UTRN: variants seen among roughly 807,000 people sequenced by gnomAD.
UTRN encodes utrophin.
In UTRN, 283 loss-of-function variants were observed where a neutral mutation model predicts 463.9. The ratio of observed to expected loss-of-function variants is 0.61; its 90% CI spans 0.55 to 0.67. UTRN has a LOEUF of 0.67. Among genes scored for constraint, UTRN ranks in the 30% least tolerant of loss-of-function variants. The pLI is 0.00. For missense variants in UTRN, 3,922 were observed against 4,084.3 expected, an observed-to-expected ratio of 0.96 and a Z score of 1.08; for synonymous variants, 1,442 against 1,431.5, an observed-to-expected ratio of 1.01 and a Z score of -0.17.
intron 74 of UTRN, among the ~76,000 whole-genome samples, chr6:144,848,381 A>G (rs1278285103): frequency 6.6e-6 from 1 of 152,158 alleles, no homozygotes; most frequent in African/African-American, 2.4e-5. Context: ...AAAAAGTTGA[A>G]GTTGGGGTTT....
Position 144,757,877 on chromosome 6 carries a change from G to A in UTRN, c.8435-52G>A. ...ATGTTCAGTTGTTTTGCATTAAGGT[G>A]TAAGGCTTTTTGGTTTCCAACGTTT... On this transcript the variant is annotated intron_variant, in intron 57 of 74. Coordinates refer to ENST00000367545, the MANE Select transcript of UTRN (RefSeq NM_007124.3). 5.2e-6 allele frequency: 8 copies of A among 1,551,154 alleles called. No homozygotes were observed. The South Asian group carries it at 8.2e-5, about 16-fold the overall frequency.
chr6:144,420,265 A>T (rs1383444451), intron 3 of UTRN, among the ~76,000 whole-genome samples: 2 of 152,240 alleles, frequency 1.3e-5, no homozygotes, highest in African/African-American at 4.8e-5. Flanking sequence ...TCGATACAAG[A>T]TAATACAACA....
intron 51 of UTRN, among the ~76,000 whole-genome samples, chr6:144,665,065 G>A (rs1305982952): frequency 6.6e-6 from 1 of 152,088 alleles, no homozygotes; most frequent in African/African-American, 2.4e-5. Context: ...TAGCGAAATT[G>A]TTCTAACCTC....
chr6:144,429,589 G>A lies in UTRN; in HGVS notation c.703G>A (p.Val235Ile), dbSNP rs149022270. The change falls in exon 9 of 75, where the codon GTT becomes ATT. Residue 235 changes from valine (V) to isoleucine (I), a missense_variant. Physicochemically the swap from Val to Ile is conservative, Grantham distance 29. Transcript: ENST00000367545. The part of the protein sequence containing the change: ...EKLLDPEDVA[V>I]QLPDKKSIIM... ...TATTCTTCCACTTTTAGATGTTGCC[G>A]TTCAGCTTCCTGACAAGAAATCCAT... The A allele has an allele frequency of 6.1e-5, 97 of 1,598,046 alleles. No homozygotes were observed. The highest frequency in any genetic ancestry group is 6.7e-5 in the Non-Finnish European group (79 of 1,172,676).
intron 2 of UTRN, among the ~76,000 whole-genome samples, chr6:144,386,228 T>G (rs941072355): frequency 2.0e-5 from 3 of 152,094 alleles, no homozygotes; most frequent in African/African-American, 7.2e-5. Context: ...TTGTGTGGTG[T>G]AGGCGGGCGG....
chr6:144,416,913 A>G (rs1439645301), intron 3 of UTRN, among the ~76,000 whole-genome samples: 3 of 152,222 alleles, frequency 2.0e-5, no homozygotes, highest in Non-Finnish European at 2.9e-5. Flanking sequence ...GCATTATTCA[A>G]CTGTATTCTC....
At chr6:144,548,619 T>C (rs1217019059) in intron 46 of UTRN, 21 bp from the exon 47 acceptor site, 2 of 1,604,320 alleles carry the variant, frequency 1.2e-6, no homozygotes, top group Non-Finnish European at 1.7e-6. Context: ...AATTTCTCTT[T>C]TGCTACATTT....
At chr6:144,549,262 C>T (rs1798691892) in intron 47 of UTRN, among the ~76,000 whole-genome samples, 1 of 152,212 alleles carries the variant, frequency 6.6e-6, no homozygotes, top group South Asian at 2.1e-4. Context: ...AACTTTACTA[C>T]TATACATGTA....
chr6:144,796,718 T>C (rs1430814504), intron 63 of UTRN, among the ~76,000 whole-genome samples: 1 of 152,190 alleles, frequency 6.6e-6, no homozygotes, highest in African/African-American at 2.4e-5. Context: ...TCTACAGATA[T>C]TTTGGCAAAG....
chr6:144,322,053 C>G (rs888165927), intron 2 of UTRN, among the ~76,000 whole-genome samples: 2 of 152,168 alleles, frequency 1.3e-5, no homozygotes, highest in Non-Finnish European at 2.9e-5. Context: ...CGTGAGCACC[C>G]GGCTGCCCAT....
At chr6:144,502,082 TC>T (rs1794238941) in intron 34 of UTRN, among the ~76,000 whole-genome samples, 1 of 151,854 alleles carries the variant, frequency 6.6e-6, no homozygotes. Flanking sequence ...TACTGTAGCT[TC>T]CTTTTTTGTT....
At chr6:144,418,462 G>A (rs886635698) in intron 3 of UTRN, among the ~76,000 whole-genome samples, 6 of 151,170 alleles carry the variant, frequency 4.0e-5, no homozygotes, top group Admixed American at 2.0e-4. Context: ...TGACCTCGTG[G>A]TCCGCCCGCC....
intron 28 of UTRN, among the ~76,000 whole-genome samples, chr6:144,486,239 C>A (rs941929567): frequency 6.6e-6 from 1 of 152,216 alleles, no homozygotes; most frequent in African/African-American, 2.4e-5. Flanking sequence ...GTGGCACTTA[C>A]ATTCCAGGAG....
At chr6:144,290,117 A>G (rs184810619) in intron 1 of UTRN, among the ~76,000 whole-genome samples, 1 of 152,336 alleles carries the variant, frequency 6.6e-6, no homozygotes, top group Non-Finnish European at 1.5e-5. Flanking sequence ...ATCACACTTC[A>G]TTGCTAAATA....
intron 19 of UTRN, 152 bp downstream of exon 19, chr6:144,454,021 T>A: frequency 1.5e-6 from 1 of 668,718 alleles, no homozygotes; most frequent in Non-Finnish European, 2.4e-6. Context: ...GCAGAATCTT[T>A]AAAAATGAAA....
At chr6:144,770,233 AT>A (rs1431841482) in intron 58 of UTRN, among the ~76,000 whole-genome samples, 1 of 152,150 alleles carries the variant, frequency 6.6e-6, no homozygotes, top group East Asian at 1.9e-4. Flanking sequence ...AATTGCTAAT[AT>A]TTCCGGGATA....
In UTRN at chr6:144,291,897, G is replaced by C. The variant is rs765083371; in HGVS notation, c.69G>C (p.Lys23Asn). The C allele has an allele frequency of 9.3e-6, 15 of 1,611,542 alleles. No individual in the cohort carries two copies. Among genetic ancestry groups the C allele is most frequent in the Non-Finnish European group, 1.2e-5 (14 of 1,178,892 alleles). ...NGQNEFSDII[K>N]SRSDEHNDVQ... ...AGAACGAATTCAGTGATATCATTAA[G>C]TCCAGATCTGGTAGGTAAAGGAAGC... Residue 23 changes from lysine (K) to asparagine (N), a missense_variant, in exon 2 of 75, where the codon AAG becomes AAC. This residue lies in a region of UTRN where 264 missense variants were observed against 327.9 expected (regional missense o/e 0.81). Coordinates refer to ENST00000367545, the MANE Select transcript of UTRN (RefSeq NM_007124.3).
At chr6:144,487,774 C>T in intron 29 of UTRN, 77 bp downstream of exon 29, 3 of 1,371,364 alleles carry the variant, frequency 2.2e-6, no homozygotes, top group Non-Finnish European at 2.9e-6. Flanking sequence ...TATCATAGAG[C>T]TTTAATGTTG....
Position 144,482,289 on chromosome 6 carries a change from G to C in UTRN, c.3588G>C (p.Val1196=), listed in dbSNP as rs1329425071. The C allele has an allele frequency of 1.2e-6, 2 of 1,609,540 alleles. No individual in the cohort carries two copies. Among genetic ancestry groups the C allele is most frequent in the East Asian group, 4.5e-5 (2 of 44,716 alleles). Residue 1196 remains valine, a synonymous_variant, in exon 27 of 75, where the codon GTG becomes GTC. Transcript: ENST00000367545. ...KDNIKLLAAK[V]PSGGQELTSE... is the part of the protein sequence containing the mutation. ...ACATCAAGTTATTAGCTGCCAAGGT[G>C]CCCTCTGGTGGCCAGGAGTTGACGT...
Sources: gnomAD v4.1 joint callset for allele counts (sites outside exome capture counted in the v4.1 genomes callset) on GRCh38, gnomAD v4.1.1 for gene constraint, gnomAD v4.1.1 regional missense constraint, MANE v1.5 for transcripts, NCBI Gene and HGNC (gene_info 2026-07-23, HGNC 2026-07-21) for gene names.